The following ACTR10 variants were observed in gnomAD, a reference collection of about 807,000 sequenced individuals.
ACTR10 encodes the protein actin related protein 10.
ACTR10 carries 43 observed loss-of-function variants against 56.2 expected under a neutral mutation model. The ratio of observed to expected loss-of-function variants is 0.77; its 90% CI spans 0.60 to 0.99. The LOEUF is 0.99. ACTR10 is among the 50% of genes least tolerant of loss of function. The probability of loss-of-function intolerance (pLI) is 0.00; values close to 1 mark genes in which losing one functional copy is unlikely to be tolerated. For synonymous variants in ACTR10, 170 were observed against 176.3 expected, an observed-to-expected ratio of 0.96 and a Z score of 0.28; for missense variants, 466 against 507.8, an observed-to-expected ratio of 0.92 and a Z score of 0.79.
At chr14:58,229,233 CAG>C (rs1889472812) in intron 10 of ACTR10, among the ~76,000 whole-genome samples, 1 of 151,440 alleles carries the variant, frequency 6.6e-6, no homozygotes, top group Non-Finnish European at 1.5e-5. Context: ...CAGAGTAAAA[CAG>C]TGGTTGTTAG....
intron 12 of ACTR10, among the ~76,000 whole-genome samples, chr14:58,232,860 ATTTC>A (rs1295871203): frequency 4.3e-5 from 6 of 138,110 alleles, no homozygotes; most frequent in East Asian, 4.0e-4. Context: ...TGATGCTACC[ATTTC>A]TTTCTTTCTT....
At chr14:58,207,341 T>G (rs895047906) in intron 2 of ACTR10, among the ~76,000 whole-genome samples, 1 of 136,268 alleles carries the variant, frequency 7.3e-6, no homozygotes, top group East Asian at 1.9e-4. Flanking sequence ...TTGTTTGTTT[T>G]TTGAGACGGA....
At chr14:58,232,900 C>G (rs1368164856) in intron 12 of ACTR10, among the ~76,000 whole-genome samples, 1 of 132,714 alleles carries the variant, frequency 7.5e-6, no homozygotes, top group Non-Finnish European at 1.6e-5. Flanking sequence ...GACGTTTCAT[C>G]TTTGTTGCCC....
chr14:58,224,656 A>T (rs1889356723), intron 10 of ACTR10, among the ~76,000 whole-genome samples: 1 of 152,144 alleles, frequency 6.6e-6, no homozygotes, highest in Admixed American at 6.5e-5. Flanking sequence ...AGGAAGTATG[A>T]CACTTTAAAA....
intron 10 of ACTR10, among the ~76,000 whole-genome samples, chr14:58,227,347 A>T (rs1457932301): frequency 6.6e-6 from 1 of 152,176 alleles, no homozygotes; most frequent in Non-Finnish European, 1.5e-5. Flanking sequence ...CCTGGCCAAC[A>T]TGGTGAAACC....
chr14:58,200,253 G>A lies in ACTR10; in HGVS notation c.36G>A (p.Glu12=), dbSNP rs754640516. The A allele has an allele frequency of 4.6e-6, 7 of 1,515,908 alleles. No homozygotes were observed. Among genetic ancestry groups the A allele is most frequent in the Non-Finnish European group, 5.3e-6 (6 of 1,135,680 alleles). The allele number at this position is 1,515,908 out of a possible 1,614,324, so 93.9% of individuals were successfully genotyped here. The change falls in exon 1 of 13, where the codon GAG becomes GAA. Residue 12 remains glutamate, a synonymous_variant. Transcript: ENST00000254286. ...PLYEGLGSGG[E]KTAVVIDLGE... is the part of the protein sequence containing the mutation. ...ACGAGGGCCTGGGGAGCGGCGGGGA[G>A]AAGACGGCGGTCGTGATCGACCTGG... is the stretch of plus-strand genomic sequence containing the variant.
intron 5 of ACTR10, among the ~76,000 whole-genome samples, chr14:58,211,907 T>A (rs192616314): frequency 4.7e-4 from 71 of 149,740 alleles, no homozygotes; most frequent in Admixed American, 1.7e-3. Flanking sequence ...GCCACTGCAC[T>A]CCAGCCTGGG....
intron 3 of ACTR10, among the ~76,000 whole-genome samples, chr14:58,208,302 C>T (rs1485284855): frequency 6.6e-6 from 1 of 152,028 alleles, no homozygotes; most frequent in African/African-American, 2.4e-5. Context: ...AAAAAGAGTT[C>T]TGCATCTGTA....
At chr14:58,233,218 AGCCACATATGAAAATTG>A (rs1441796516) in intron 12 of ACTR10, among the ~76,000 whole-genome samples, 2 of 152,282 alleles carry the variant, frequency 1.3e-5, no homozygotes, top group East Asian at 3.9e-4. Context: ...AAAGCTAGTG[AGCCACATATGAAAATTG>A]GCCTCTTTAA....
intron 7 of ACTR10, chr14:58,219,391 A>C (rs1419736722): frequency 5.4e-5 from 11 of 204,316 alleles, no homozygotes; most frequent in Non-Finnish European, 2.9e-5. Context: ...CAAGATTAAA[A>C]GATTGTGTGT....
chr14:58,218,303 T>A (rs1465216538), intron 7 of ACTR10, among the ~76,000 whole-genome samples: 1 of 152,314 alleles, frequency 6.6e-6, no homozygotes, highest in East Asian at 1.9e-4. Context: ...CTGGCATATC[T>A]TTATCCTCTT....
chr14:58,213,089 G>C (rs1042772108), intron 5 of ACTR10: 14 of 152,288 alleles, frequency 9.2e-5, no homozygotes, highest in African/African-American at 3.1e-4. Flanking sequence ...CTGCACTCCA[G>C]CCTGGGCTAC....
chr14:58,223,965 G>A, intron 10 of ACTR10, 109 bp downstream of exon 10: 1 of 847,776 alleles, frequency 1.2e-6, no homozygotes, highest in Non-Finnish European at 1.8e-6. Flanking sequence ...ACAGTTCAGT[G>A]TTTATTGTTA....
chr14:58,223,731 T>C, intron 9 of ACTR10, 30 bp downstream of exon 9: 3 of 1,602,422 alleles, frequency 1.9e-6, no homozygotes, highest in Non-Finnish European at 2.6e-6. Flanking sequence ...AGGCATCTTT[T>C]TGCAAAGGTT....
At chr14:58,226,162 A>C (rs1429394352) in intron 10 of ACTR10, among the ~76,000 whole-genome samples, 1 of 152,176 alleles carries the variant, frequency 6.6e-6, no homozygotes, top group African/African-American at 2.4e-5. Flanking sequence ...AGCCTTTAGG[A>C]AGCTGAGGTG....
At chr14:58,206,979 A>C (rs1318051452) in intron 2 of ACTR10, 1 of 151,208 alleles carries the variant, frequency 6.6e-6, no homozygotes, top group Non-Finnish European at 1.5e-5. Flanking sequence ...AACCAAGTTG[A>C]GTATTTGAGG....
At chr14:58,203,037 C>A in intron 2 of ACTR10, 110 bp downstream of exon 2, 1 of 709,790 alleles carries the variant, frequency 1.4e-6, no homozygotes, top group South Asian at 2.0e-5. Flanking sequence ...CGTGGTGGCT[C>A]ACGCCTGTAA....
At chr14:58,218,575 C>CT (rs200627047) in intron 7 of ACTR10, among the ~76,000 whole-genome samples, 14 of 151,548 alleles carry the variant, frequency 9.2e-5, no homozygotes, top group Non-Finnish European at 1.0e-4. Flanking sequence ...ATTAAATATG[C>CT]TTTTTTTTAA....
At position 58,208,980 on chromosome 14, in the gene ACTR10, C is replaced by A. The variant is rs1888931045; in HGVS notation, c.234-19C>A. On this transcript the variant is annotated intron_variant, in intron 3 of 12. Transcript: ENST00000254286. The stretch of plus-strand genomic sequence containing the variant: ...GAATAAAAACTTTTACTTTTAAAAC[C>A]AAAACTTTCACTTTTCAGGCATCTA... 1.3e-6 allele frequency: 2 copies of A among 1,567,406 alleles called. No individual in the cohort carries two copies. The highest frequency in any genetic ancestry group is 1.7e-6 in the Non-Finnish European group (2 of 1,149,632).
Sources: gnomAD v4.1 joint callset for allele counts (sites outside exome capture counted in the v4.1 genomes callset) on GRCh38, gnomAD v4.1.1 for gene constraint, MANE v1.5 for transcripts, NCBI Gene and HGNC (gene_info 2026-07-23, HGNC 2026-07-21) for gene names.